Variants in SMO observed in about 807,000 individuals in gnomAD.
SMO encodes the protein protein smoothened.
A neutral mutation model predicts 81.6 loss-of-function variants in SMO; 40 were observed. The observed-to-expected ratio is 0.49, with a 90% CI of 0.38 to 0.64. The LOEUF (loss-of-function observed/expected upper bound fraction) is 0.64, where lower values mean the gene tolerates loss of function less well. Ranked by LOEUF, SMO falls within the 30% of genes least tolerant of loss-of-function variation. SMO has a pLI of 0.00. For missense variants in SMO, 916 were observed against 1,061.1 expected, an observed-to-expected ratio of 0.86 and a Z score of 1.90; for synonymous variants, 434 against 432.1, an observed-to-expected ratio of 1.00 and a Z score of -0.05.
rs1015643922 is a variant in SMO, at chr7:129,211,966, C to A, written c.1937-58C>A. The A allele has an allele frequency of 6.7e-7, 1 of 1,494,466 alleles. No homozygotes were observed. Among genetic ancestry groups the A allele is most frequent in the Non-Finnish European group, 8.9e-7 (1 of 1,117,752 alleles). 92.6% of individuals were successfully genotyped at this position (1,494,466 alleles called of 1,614,324 possible). A position where few individuals can be genotyped will look rare whatever the true frequency, so the allele number is the denominator to read the frequency against. On this transcript the variant is annotated intron_variant, in intron 11 of 11. Coordinates refer to ENST00000249373, the MANE Select transcript of SMO (RefSeq NM_005631.5). The surrounding 1 kb of genome is among the most constrained non-coding windows in gnomAD (Gnocchi z 4.6). ...AACAGGTTAAGTGCTCCCAGGGGAG[C>A]GGGGGTGGCATGGACAGAGCCAGGG...
In SMO at chr7:129,189,007, C is replaced by A. The variant is rs1054380941; in HGVS notation, c.-145C>A. Reference sequence around the variant, plus strand: ...CGCCGAGGGGCCGGGGCGCGCGGAGCGTCCGGGGGGGCCCGGGCCCGGATT... The same window carrying A: ...CGCCGAGGGGCCGGGGCGCGCGGAGAGTCCGGGGGGGCCCGGGCCCGGATT... On this transcript the variant is annotated 5_prime_UTR_variant, in exon 1 of 12. Coordinates refer to ENST00000249373, the MANE Select transcript of SMO (RefSeq NM_005631.5). This position sits in a 1 kb window ranked among gnomAD's most constrained non-coding sequence, Gnocchi z 4.7. The A allele has an allele frequency of 7.9e-6, 5 of 629,012 alleles. No homozygotes were observed. Among genetic ancestry groups the A allele is most frequent in the African/African-American group, 5.7e-5 (3 of 52,508 alleles). The allele number at this position is 629,012 out of a possible 1,614,324, so 39.0% of individuals were successfully genotyped here. A position where few individuals can be genotyped will look rare whatever the true frequency, so the allele number is the denominator to read the frequency against.
At chr7:129,203,947 G>T (rs1273493686) in intron 2 of SMO, among the ~76,000 whole-genome samples, 1 of 151,966 alleles carries the variant, frequency 6.6e-6, no homozygotes, top group Non-Finnish European at 1.5e-5. Flanking sequence ...CAAGACAGGG[G>T]ACGTGAGCTA....
rs1366851376 is a variant in SMO, at chr7:129,211,067, G to T, written c.1755G>T (p.Gln585His). 4.3e-6 allele frequency: 7 copies of T among 1,613,832 alleles called. No individual in the cohort carries two copies. Among genetic ancestry groups the T allele is most frequent in the Non-Finnish European group, 5.1e-6 (6 of 1,179,896 alleles). The part of the protein sequence containing the change: ...KRHELLQNPG[Q>H]ELSFSMHTVS... ...ACGAGCTCCTGCAGAACCCAGGCCA[G>T]GAGCTGTCCTTCAGCATGCACACTG... The change falls in exon 10 of 12, where the codon CAG becomes CAT. Residue 585 changes from glutamine (Q) to histidine (H), a missense_variant. Physicochemically the swap from Gln to His is conservative, Grantham distance 24. Around this residue, in one of 4 missense-constraint regions of SMO, gnomAD observed 324 missense variants for 312.9 expected, o/e 1.04. Transcript: ENST00000249373. This position sits in a 1 kb window ranked among gnomAD's most constrained non-coding sequence, Gnocchi z 4.6.
chr7:129,202,743 G>A (rs1222956899), intron 1 of SMO, among the ~76,000 whole-genome samples: 3 of 152,072 alleles, frequency 2.0e-5, no homozygotes, highest in Non-Finnish European at 4.4e-5. Flanking sequence ...CTTGGTAAGA[G>A]GAACAAGGGT....
At position 129,208,621 on chromosome 7, in the gene SMO, A is replaced by G; in HGVS notation, c.1265-138A>G. 2 of 614,208 alleles carry G rather than the reference A, an allele frequency of 3.3e-6. No homozygotes were observed. Among genetic ancestry groups the G allele is most frequent in the South Asian group, 1.8e-5 (1 of 55,168 alleles). 38.0% of individuals were successfully genotyped at this position (614,208 alleles called of 1,614,324 possible). On this transcript the variant is annotated intron_variant, in intron 6 of 11. Transcript: ENST00000249373. This position sits in a 1 kb window ranked among gnomAD's most constrained non-coding sequence, Gnocchi z 5.2. ...TTCTCACCATTTCTCCAGTGTCTCT[A>G]GCTCCCCAGGTTTTCATTTAGCACA... is the stretch of plus-strand genomic sequence containing the variant.
intron 1 of SMO, among the ~76,000 whole-genome samples, chr7:129,200,730 T>TG (rs1793655457): frequency 3.3e-5 from 5 of 151,482 alleles, no homozygotes; most frequent in Non-Finnish European, 7.4e-5. Flanking sequence ...ACAGTTTTTT[T>TG]TTTGTTGTTG....
chr7:129,206,396 C>A lies in SMO; in HGVS notation c.1140+27C>A, dbSNP rs202033646. Reference sequence around the variant, plus strand: ...TATAGTGACTGGTAGGAACGGGAGACCTGGATGGGGTGAGTTTGAGGGAGG... The same window carrying A: ...TATAGTGACTGGTAGGAACGGGAGAACTGGATGGGGTGAGTTTGAGGGAGG... On this transcript the variant is annotated intron_variant, in intron 5 of 11. Transcript: ENST00000249373. The surrounding 1 kb of genome is among the most constrained non-coding windows in gnomAD (Gnocchi z 4.4). 5.5e-4 allele frequency: 892 copies of A among 1,613,978 alleles called. 1 individual carries two copies. The African/African-American group carries it at 0.01, about 19-fold the overall frequency.
rs2150648482 is a variant in SMO, at chr7:129,205,371, G to A, written c.706G>A (p.Ala236Thr). The A allele has an allele frequency of 6.2e-7, 1 of 1,612,676 alleles. No individual in the cohort carries two copies. The highest frequency in any genetic ancestry group is 8.5e-7 in the Non-Finnish European group (1 of 1,179,386). The change falls in exon 3 of 12, where the codon GCC becomes ACC. Residue 236 changes from alanine to threonine, a missense_variant. Ala to Thr is a moderately conservative substitution (Grantham distance 58). This residue lies in a region of SMO where 436 missense variants were observed against 570.9 expected (regional missense o/e 0.76). Transcript: ENST00000249373. ...EHQDMHSYIA[A>T]FGAVTGLCTL... ...CCAGGACATGCACAGCTACATCGCG[G>A]CCTTCGGGGCCGTCACGGGCCTCTG...
At position 129,189,331 on chromosome 7, in the gene SMO, G is replaced by T; in HGVS notation, c.180G>T (p.Pro60=). ...CGGCGGTGACTGGCCCTCCGCCGCC[G>T]CTGAGCCACTGCGGCCGGGCTGCCC... ...RSAAVTGPPP[P]LSHCGRAAPC... The change falls in exon 1 of 12, where the codon CCG becomes CCT. Residue 60 remains proline (P), a synonymous_variant. Transcript: ENST00000249373. The surrounding 1 kb of genome is among the most constrained non-coding windows in gnomAD (Gnocchi z 4.7). 13 of 1,512,206 alleles carry T rather than the reference G, an allele frequency of 8.6e-6. No homozygotes were observed. The highest frequency in any genetic ancestry group is 1.1e-5 in the Non-Finnish European group (12 of 1,137,260). 93.7% of individuals were successfully genotyped at this position (1,512,206 alleles called of 1,614,324 possible). A position where few individuals can be genotyped will look rare whatever the true frequency, so the allele number is the denominator to read the frequency against.
chr7:129,200,345 C>T (rs944286934), intron 1 of SMO, among the ~76,000 whole-genome samples: 6 of 151,958 alleles, frequency 3.9e-5, no homozygotes, highest in African/African-American at 7.2e-5. Context: ...GGCGTGAACC[C>T]AGGAGGCGGA....
chr7:129,210,624 G>T lies in SMO; in HGVS notation c.1652+76G>T. On this transcript the variant is annotated intron_variant, in intron 9 of 11. Coordinates refer to ENST00000249373, the MANE Select transcript of SMO (RefSeq NM_005631.5). The surrounding 1 kb of genome is among the most constrained non-coding windows in gnomAD (Gnocchi z 4.7). The stretch of plus-strand genomic sequence containing the variant: ...TGGGACCCCATCTTTAGGTTTTGTC[G>T]GGTCCTGCCTCTAGCACAGCCTTGG... 12 of 1,223,314 alleles carry T rather than the reference G, an allele frequency of 9.8e-6. No individual in the cohort carries two copies. In the South Asian group the frequency reaches 1.5e-4, roughly 16 times the overall value. The allele number at this position is 1,223,314 out of a possible 1,614,324, so 75.8% of individuals were successfully genotyped here. A position where few individuals can be genotyped will look rare whatever the true frequency, so the allele number is the denominator to read the frequency against.
At chr7:129,192,956 C>T (rs988025460) in intron 1 of SMO, among the ~76,000 whole-genome samples, 1 of 152,186 alleles carries the variant, frequency 6.6e-6, no homozygotes, top group Admixed American at 6.6e-5. Context: ...AAGTTTATAG[C>T]TCAGGTTGGT....
chr7:129,207,989 G>A (rs186995162), intron 6 of SMO, among the ~76,000 whole-genome samples: 1 of 151,838 alleles, frequency 6.6e-6, no homozygotes, highest in Admixed American at 6.6e-5. Context: ...AACTTAGTGG[G>A]AAAAAAATGT....
rs1482412884 is a variant in SMO, at chr7:129,211,232, G to A, written c.1801+119G>A. The A allele has an allele frequency of 3.6e-6, 4 of 1,104,064 alleles. No individual in the cohort carries two copies. Among genetic ancestry groups the A allele is most frequent in the African/African-American group, 3.1e-5 (2 of 64,880 alleles). The allele number at this position is 1,104,064 out of a possible 1,614,324, so 68.4% of individuals were successfully genotyped here. On this transcript the variant is annotated intron_variant, in intron 10 of 11. Transcript: ENST00000249373. The surrounding 1 kb of genome is among the most constrained non-coding windows in gnomAD (Gnocchi z 4.6). ...GAAGACCGACTGTGAGGAGCAAGGCGCTCCCTCCATCGCTCACACACCCAT... is the reference window on the plus strand; with the variant it reads ...GAAGACCGACTGTGAGGAGCAAGGCACTCCCTCCATCGCTCACACACCCAT...
Position 129,212,534 on chromosome 7 carries a change from G to T in SMO, c.*83G>T. 7.4e-7 allele frequency: 1 copy of T among 1,359,270 alleles called. No homozygotes were observed. The highest frequency in any genetic ancestry group is 1.0e-6 in the Non-Finnish European group (1 of 992,344). The allele number at this position is 1,359,270 out of a possible 1,614,324, so 84.2% of individuals were successfully genotyped here. ...CTTCCTCACCGAGCATGCTTCCCTAGGATCCCGTCTTCCAGAGAACCTGTG... is the reference window on the plus strand; with the variant it reads ...CTTCCTCACCGAGCATGCTTCCCTATGATCCCGTCTTCCAGAGAACCTGTG... On this transcript the variant is annotated 3_prime_UTR_variant, in exon 12 of 12. Coordinates refer to ENST00000249373, the MANE Select transcript of SMO (RefSeq NM_005631.5). The surrounding 1 kb of genome is among the most constrained non-coding windows in gnomAD (Gnocchi z 5.0).
intron 1 of SMO, among the ~76,000 whole-genome samples, chr7:129,199,779 T>A (rs1793641551): frequency 6.6e-6 from 1 of 152,160 alleles, no homozygotes; most frequent in Non-Finnish European, 1.5e-5. Flanking sequence ...ATGTTCGACC[T>A]CACTCTTAAT....
At chr7:129,199,368 G>A (rs1793629765) in intron 1 of SMO, among the ~76,000 whole-genome samples, 1 of 152,018 alleles carries the variant, frequency 6.6e-6, no homozygotes, top group Admixed American at 6.6e-5. Flanking sequence ...TTTTAGTAGA[G>A]ACGGGTTTTC....
rs1793862976 is a variant in SMO, at chr7:129,211,127, C to G, written c.1801+14C>G. ...ACGGGCCCGTGGGTGAGCCTCACCCCTCCTCTACCGGAGCCGCCTGGCCCC... is the reference window on the plus strand; with the variant it reads ...ACGGGCCCGTGGGTGAGCCTCACCCGTCCTCTACCGGAGCCGCCTGGCCCC... On this transcript the variant is annotated intron_variant, in intron 10 of 11. Transcript: ENST00000249373. The surrounding 1 kb of genome is among the most constrained non-coding windows in gnomAD (Gnocchi z 4.6). 6 of 1,594,064 alleles carry G rather than the reference C, an allele frequency of 3.8e-6. No homozygotes were observed. Among genetic ancestry groups the G allele is most frequent in the Non-Finnish European group, 5.1e-6 (6 of 1,169,310 alleles).
chr7:129,205,866 A>G (rs1793757407), intron 4 of SMO, 84 bp downstream of exon 4: 1 of 1,269,136 alleles, frequency 7.9e-7, no homozygotes, highest in East Asian at 2.4e-5. Context: ...AGGTGCGTGT[A>G]AAACCGAGAT....
Sources: gnomAD v4.1 joint callset for allele counts (sites outside exome capture counted in the v4.1 genomes callset) on GRCh38, gnomAD v4.1.1 for gene constraint, gnomAD v4.1.1 regional missense constraint, Gnocchi (gnomAD v3.1) non-coding constraint, MANE v1.5 for transcripts, NCBI Gene and HGNC (gene_info 2026-07-23, HGNC 2026-07-21) for gene names.